Variants in PCDHA3 observed in about 807,000 individuals in gnomAD.
The protein encoded by PCDHA3 is protocadherin alpha 3.
A neutral mutation model predicts 62.2 loss-of-function variants in PCDHA3; 41 were observed. The observed-to-expected ratio is 0.66, with a 90% CI of 0.51 to 0.86. The LOEUF is 0.86. Ranked by LOEUF, PCDHA3 falls within the 40% of genes least tolerant of loss-of-function variation. PCDHA3 has a pLI of 0.00. For synonymous variants in PCDHA3, 640 were observed against 555.4 expected (o/e 1.15, Z -2.14); for missense variants, 1,304 against 1,241.2 (o/e 1.05, Z -0.76).
intron 1 of PCDHA3, among the ~76,000 whole-genome samples, chr5:140,874,119 GTTTA>G (rs1582151784): frequency 6.6e-6 from 1 of 152,064 alleles, no homozygotes; most frequent in Non-Finnish European, 1.5e-5. Flanking sequence ...ACGTTTTATA[GTTTA>G]TTTAAGTTAT....
intron 1 of PCDHA3, among the ~76,000 whole-genome samples, chr5:140,922,817 G>A (rs1554200973): frequency 1.3e-5 from 2 of 152,218 alleles, no homozygotes; most frequent in Non-Finnish European, 2.9e-5. Context: ...AGGAGATACA[G>A]CATACTGCTA....
At chr5:140,928,332 C>T in intron 1 of PCDHA3, 1 of 1,614,182 alleles carries the variant, frequency 6.2e-7, no homozygotes, top group Non-Finnish European at 8.5e-7. Context: ...ATGGCCTTGT[C>T]TCTTATGAGC....
At chr5:140,994,704 C>CA (rs1294993555) in intron 3 of PCDHA3, among the ~76,000 whole-genome samples, 3 of 150,616 alleles carry the variant, frequency 2.0e-5, no homozygotes, top group African/African-American at 4.9e-5. Flanking sequence ...GACCCTGTCT[C>CA]AAAAAAAAAT....
chr5:140,806,975 G>A lies in PCDHA3; in HGVS notation c.2394+3384G>A, dbSNP rs1763825186. ...GGGGGTTTCCACAATTGCTACTTAC[G>A]GTTTGGAGCCACATGATGTCGCTCT... On this transcript the variant is annotated intron_variant, in intron 1 of 3. Coordinates refer to ENST00000522353, the MANE Select transcript of PCDHA3 (RefSeq NM_018906.3). 2.3e-5 allele frequency: 14 copies of A among 620,014 alleles called. No homozygotes were observed. In the East Asian group the frequency reaches 3.1e-4, roughly 14 times the overall value. The allele number at this position is 620,014 out of a possible 1,614,324, so 38.4% of individuals were successfully genotyped here. A position where few individuals can be genotyped will look rare whatever the true frequency, so the allele number is the denominator to read the frequency against.
chr5:140,837,299 G>A (rs2150274522), intron 1 of PCDHA3: 88,040 of 151,626 alleles, frequency 0.58, 26,686 homozygotes, highest in African/African-American at 0.73. Context: ...ACTTTGTTGA[G>A]ATGTATTTGC....
At chr5:140,823,176 C>A (rs2150123145) in intron 1 of PCDHA3, 2 of 1,613,936 alleles carry the variant, frequency 1.2e-6, no homozygotes, top group African/African-American at 2.7e-5. Flanking sequence ...AGGAGAACAA[C>A]CCGCCAGGCT....
intron 1 of PCDHA3, chr5:140,869,802 G>T: frequency 6.2e-7 from 1 of 1,612,556 alleles, no homozygotes; most frequent in South Asian, 1.1e-5. Flanking sequence ...TCCAAGTCTT[G>T]GATGTCAACG....
chr5:140,843,174 C>G (rs2150354431), intron 1 of PCDHA3: 17 of 1,596,086 alleles, frequency 1.1e-5, no homozygotes, highest in African/African-American at 9.4e-5. Context: ...GCAAGCAGCC[C>G]TCGCATCCCG....
At chr5:140,930,902 T>C (rs1474835953) in intron 1 of PCDHA3, among the ~76,000 whole-genome samples, 1 of 152,212 alleles carries the variant, frequency 6.6e-6, no homozygotes, top group Non-Finnish European at 1.5e-5. Flanking sequence ...TTTAACTTAC[T>C]TTTCTACTTT....
At chr5:140,873,657 C>CTA in intron 1 of PCDHA3, among the ~76,000 whole-genome samples, 1 of 152,206 alleles carries the variant, frequency 6.6e-6, no homozygotes, top group South Asian at 2.1e-4. Context: ...ACATAACACA[C>CTA]TATTATTATT....
chr5:140,988,445 A>G (rs1554250148), intron 3 of PCDHA3, among the ~76,000 whole-genome samples: 2 of 152,168 alleles, frequency 1.3e-5, no homozygotes, highest in African/African-American at 2.4e-5. Context: ...ATTGACCTGA[A>G]GGGAGGAAGC....
intron 1 of PCDHA3, among the ~76,000 whole-genome samples, chr5:140,894,286 A>T (rs2064400911): frequency 6.6e-6 from 1 of 151,788 alleles, no homozygotes; most frequent in African/African-American, 2.4e-5. Flanking sequence ...GTATTTTTGA[A>T]GTTTATTTTC....
At position 140,803,482 on chromosome 5, in the gene PCDHA3, A is replaced by C. The variant is rs372995948; in HGVS notation, c.2285A>C (p.Glu762Ala). ...QQRQQRVCSG[E>A]GLPKTDLMAF... ...AGGCAGCAGAGGGTGTGCTCTGGAGAGGGGTTGCCCAAGACCGACCTCATG... is the reference window on the plus strand; with the variant it reads ...AGGCAGCAGAGGGTGTGCTCTGGAGCGGGGTTGCCCAAGACCGACCTCATG... The change falls in exon 1 of 4, where the codon GAG becomes GCG. Residue 762 changes from glutamate to alanine, a missense_variant. Coordinates refer to ENST00000522353, the MANE Select transcript of PCDHA3 (RefSeq NM_018906.3). 1.2e-6 allele frequency: 2 copies of C among 1,614,206 alleles called. No homozygotes were observed. The highest frequency in any genetic ancestry group is 1.7e-6 in the Non-Finnish European group (2 of 1,180,042).
intron 1 of PCDHA3, chr5:140,884,167 G>A: frequency 4.3e-6 from 7 of 1,613,412 alleles, no homozygotes; most frequent in Non-Finnish European, 5.1e-6. Context: ...AGATCAGCAC[G>A]ACGCGCCCTC....
intron 1 of PCDHA3, among the ~76,000 whole-genome samples, chr5:140,917,447 A>T (rs155358): frequency 0.58 from 87,947 of 151,944 alleles, 26,404 homozygotes; most frequent in African/African-American, 0.75. Flanking sequence ...TTGCTGCAAG[A>T]GCGTTTGGCA....
Position 140,927,881 on chromosome 5 carries a change from T to C in PCDHA3, c.2395-51068T>C, listed in dbSNP as rs781982234. 10 of 1,613,978 alleles carry C rather than the reference T, an allele frequency of 6.2e-6. No homozygotes were observed. Among genetic ancestry groups the C allele is most frequent in the Non-Finnish European group, 8.5e-6 (10 of 1,180,010 alleles). Reference sequence around the variant, plus strand: ...AGCACCGCTAAACTGCTGGTGGAGGTGACTGACGTGAACGATCATGCCCCC... The same window carrying C: ...AGCACCGCTAAACTGCTGGTGGAGGCGACTGACGTGAACGATCATGCCCCC... On this transcript the variant is annotated intron_variant, in intron 1 of 3. Coordinates refer to ENST00000522353, the MANE Select transcript of PCDHA3 (RefSeq NM_018906.3).
At chr5:140,828,125 C>T (rs1769542170) in intron 1 of PCDHA3, 2 of 1,613,046 alleles carry the variant, frequency 1.2e-6, no homozygotes, top group East Asian at 4.5e-5. Flanking sequence ...ATTGGGAAAG[C>T]AATGTCTGCT....
At chr5:140,930,582 T>C in intron 1 of PCDHA3, 1 of 152,540 alleles carries the variant, frequency 6.6e-6, no homozygotes, top group East Asian at 1.9e-4. Flanking sequence ...GTATTACTTT[T>C]TGACTTCTCA....
Position 140,877,413 on chromosome 5 carries a change from G to T in PCDHA3, c.2394+73822G>T, listed in dbSNP as rs540811233. 2.4e-5 allele frequency: 39 copies of T among 1,613,922 alleles called. No homozygotes were observed. The East Asian group carries it at 2.5e-4, about 10-fold the overall frequency. On this transcript the variant is annotated intron_variant, in intron 1 of 3. Transcript: ENST00000522353. Reference sequence around the variant, plus strand: ...AGGCGGACGCTCCGCGCCACCGCCTGCTGGTGCTGGTGAAGGACCACGGTG... The same window carrying T: ...AGGCGGACGCTCCGCGCCACCGCCTTCTGGTGCTGGTGAAGGACCACGGTG...
Sources: gnomAD v4.1 joint callset for allele counts (sites outside exome capture counted in the v4.1 genomes callset) on GRCh38, gnomAD v4.1.1 for gene constraint, MANE v1.5 for transcripts, NCBI Gene and HGNC (gene_info 2026-07-23, HGNC 2026-07-21) for gene names.